XRRA1: variants seen among roughly 807,000 people sequenced by gnomAD.
The protein encoded by XRRA1 is X-ray radiation resistance-associated protein 1.
A neutral mutation model predicts 80.2 loss-of-function variants in XRRA1; 69 were observed. The observed-to-expected ratio is 0.86, with a 90% confidence interval of 0.71 to 1.05. The LOEUF is 1.05. XRRA1 is among the 50% of genes least tolerant of loss of function. XRRA1 has a pLI of 0.00. For synonymous variants in XRRA1, 348 were observed against 389.9 expected, an observed-to-expected ratio of 0.89 and a Z score of 1.27; for missense variants, 967 against 976.4, an observed-to-expected ratio of 0.99 and a Z score of 0.13.
At chr11:74,873,340 A>T (rs1168765854) in intron 10 of XRRA1, among the ~76,000 whole-genome samples, 1 of 152,212 alleles carries the variant, frequency 6.6e-6, no homozygotes, top group Non-Finnish European at 1.5e-5. Context: ...CATCATTAAT[A>T]AGGCCATAGT....
At chr11:74,907,503 G>T (rs368723700) in intron 8 of XRRA1, among the ~76,000 whole-genome samples, 1 of 152,136 alleles carries the variant, frequency 6.6e-6, no homozygotes, top group East Asian at 1.9e-4. Context: ...ATGGAGAAAG[G>T]TTACACACAT....
intron 10 of XRRA1, among the ~76,000 whole-genome samples, chr11:74,865,759 G>A (rs1320229308): frequency 1.3e-5 from 2 of 152,216 alleles, no homozygotes; most frequent in South Asian, 2.1e-4. Flanking sequence ...GCAGAGACCT[G>A]CTGGGAGGAA....
At chr11:74,900,091 G>C (rs895216872) in intron 10 of XRRA1, among the ~76,000 whole-genome samples, 1 of 151,862 alleles carries the variant, frequency 6.6e-6, no homozygotes, top group Non-Finnish European at 1.5e-5. Context: ...CTTGAACCCA[G>C]GAGGCGGAGG....
intron 10 of XRRA1, among the ~76,000 whole-genome samples, chr11:74,883,587 A>T (rs2048275783): frequency 6.6e-6 from 1 of 152,146 alleles, no homozygotes. Context: ...CTTCTTGTAA[A>T]ATTTATCTCT....
chr11:74,936,679 T>C (rs1591594814), intron 4 of XRRA1, among the ~76,000 whole-genome samples: 1 of 152,330 alleles, frequency 6.6e-6, no homozygotes, highest in Middle Eastern at 3.4e-3. Context: ...ACAATACCTA[T>C]CTCACTAGGT....
In XRRA1 at chr11:74,842,989, T is replaced by C. The variant is rs1420201025; in HGVS notation, c.*211A>G. 4.8e-6 allele frequency: 3 copies of C among 626,140 alleles called. No individual in the cohort carries two copies. The highest frequency in any genetic ancestry group is 8.1e-6 in the Non-Finnish European group (3 of 368,790). 38.8% of individuals were successfully genotyped at this position (626,140 alleles called of 1,614,324 possible). ...TCTATTGCCCTGTGCACCCACTCTT[T>C]ATTGCCGCTGGGCCAGGCACCAGGT... On this transcript the variant is annotated 3_prime_UTR_variant, in exon 19 of 19. Transcript: ENST00000684022.
At chr11:74,909,801 C>G (rs1966220361) in intron 8 of XRRA1, 1 of 152,214 alleles carries the variant, frequency 6.6e-6, no homozygotes, top group African/African-American at 2.4e-5. Flanking sequence ...AGAATTACTA[C>G]TACTTAAAAT....
At chr11:74,883,761 C>T (rs1227903201) in intron 10 of XRRA1, among the ~76,000 whole-genome samples, 1 of 152,146 alleles carries the variant, frequency 6.6e-6, no homozygotes, top group Non-Finnish European at 1.5e-5. Context: ...GAGTTGTCCT[C>T]CAATACCCCT....
At chr11:74,844,740 C>T (rs1565209050) in intron 16 of XRRA1, among the ~76,000 whole-genome samples, 1 of 152,204 alleles carries the variant, frequency 6.6e-6, no homozygotes, top group Non-Finnish European at 1.5e-5. Context: ...CTGGGAAAAG[C>T]TCAAGAATCT....
At chr11:74,864,767 G>A (rs115198940) in intron 10 of XRRA1, among the ~76,000 whole-genome samples, 3,056 of 152,258 alleles carry the variant, frequency 0.02, 120 homozygotes, top group African/African-American at 0.07. Flanking sequence ...CCTCTCAGCT[G>A]AGGTCCCTGC....
chr11:74,871,175 G>A (rs1480856127), intron 10 of XRRA1, among the ~76,000 whole-genome samples: 1 of 152,242 alleles, frequency 6.6e-6, no homozygotes, highest in Non-Finnish European at 1.5e-5. Context: ...GAGGATTAGA[G>A]TTGCATGGGT....
intron 3 of XRRA1, 142 bp from the exon 4 acceptor site, chr11:74,937,210 T>C (rs375727945): frequency 6.0e-5 from 50 of 829,332 alleles, no homozygotes; most frequent in African/African-American, 3.4e-4. Flanking sequence ...CAGCTGGGGG[T>C]AGGGGAGATA....
At chr11:74,876,930 C>T (rs528735941) in intron 10 of XRRA1, 1 of 152,220 alleles carries the variant, frequency 6.6e-6, no homozygotes, top group African/African-American at 2.4e-5. Context: ...TTTGATTATC[C>T]ATGAGATTAC....
rs191630975 is a variant in XRRA1, at chr11:74,890,258, C to T, written c.1003+15981G>A. Among the ~76,000 whole-genome samples the T allele has an allele frequency of 4.9e-3, 747 of 152,306 alleles. 11 individuals carry two copies. The highest frequency in any genetic ancestry group is 0.017 in the African/African-American group (689 of 41,574). ...CAGGATTAAGAAACTCACTCAAACC[C>T]GCTCAACTACATGGAAACTGAACAA... is the stretch of plus-strand genomic sequence containing the variant. On this transcript the variant is annotated intron_variant, in intron 10 of 18. Transcript: ENST00000684022.
At chr11:74,941,316 ATGTTT>A (rs1480855303) in intron 2 of XRRA1, among the ~76,000 whole-genome samples, 3 of 152,196 alleles carry the variant, frequency 2.0e-5, no homozygotes, top group African/African-American at 4.8e-5. Flanking sequence ...TCTGTGCTAG[ATGTTT>A]TGTTTTAACA....
chr11:74,911,961 C>T (rs913635834), intron 8 of XRRA1, among the ~76,000 whole-genome samples: 1 of 152,188 alleles, frequency 6.6e-6, no homozygotes, highest in African/African-American at 2.4e-5. Context: ...TAAAGGGATA[C>T]ACCCTCAGGG....
intron 14 of XRRA1, chr11:74,850,887 T>C: frequency 3.0e-6 from 1 of 336,164 alleles, no homozygotes; most frequent in Non-Finnish European, 5.5e-6. Context: ...GGTAAGAGTT[T>C]TAGGAGTTTA....
rs2036631090 is a variant in XRRA1, at chr11:74,842,018, T to G, written c.*1182A>C. The G allele has an allele frequency of 6.6e-6, 1 of 152,160 alleles. No homozygotes were observed. Among genetic ancestry groups the G allele is most frequent in the Non-Finnish European group, 1.5e-5 (1 of 68,024 alleles). 9.4% of individuals were successfully genotyped at this position (152,160 alleles called of 1,614,324 possible). On this transcript the variant is annotated 3_prime_UTR_variant, in exon 19 of 19. Coordinates refer to ENST00000684022, the MANE Select transcript of XRRA1 (RefSeq NM_001378157.1). ...TGCCAACGAATAGTTTTTTTTTTTT[T>G]GAACCTGATACACTGTTTGTTTACT...
chr11:74,921,433 G>A, intron 7 of XRRA1, 86 bp from the exon 8 acceptor site: 1 of 1,542,678 alleles, frequency 6.5e-7, no homozygotes, highest in South Asian at 1.2e-5. Flanking sequence ...ACTTTCTAGA[G>A]TGCCCCATCG....
Sources: allele counts gnomAD v4.1 joint callset (sites outside exome capture counted in the v4.1 genomes callset), GRCh38; gene constraint gnomAD v4.1.1; transcripts MANE v1.5; gene names NCBI Gene and HGNC (gene_info 2026-07-23, HGNC 2026-07-21).